The following CYFIP2 variants were observed in gnomAD, a reference collection of about 807,000 sequenced individuals.
The protein encoded by CYFIP2 is cytoplasmic FMR1-interacting protein 2.
In CYFIP2, 29 loss-of-function variants were observed where a neutral mutation model predicts 158.7. The observed-to-expected ratio is 0.18, with a 90% confidence interval of 0.14 to 0.25. The LOEUF is 0.25. Among genes scored for constraint, CYFIP2 ranks in the 10% least tolerant of loss-of-function variants. The pLI, the probability that CYFIP2 is intolerant of heterozygous loss-of-function variation, is 1.00. For missense variants in CYFIP2, 852 were observed against 1,639.5 expected (o/e 0.52, Z 8.29); for synonymous variants, 585 against 617.6 (o/e 0.95, Z 0.78).
intron 1 of CYFIP2, among the ~76,000 whole-genome samples, chr5:157,267,772 T>G (rs966455817): frequency 7.2e-5 from 11 of 152,262 alleles, no homozygotes; most frequent in Non-Finnish European, 1.6e-4. Context: ...AAATATTTGC[T>G]ATCACTAATG....
At chr5:157,273,590 A>G (rs1431062079) in intron 1 of CYFIP2, among the ~76,000 whole-genome samples, 1 of 151,850 alleles carries the variant, frequency 6.6e-6, no homozygotes, top group Admixed American at 6.6e-5. Flanking sequence ...GTGGGGTGGT[A>G]TGGTTGTATC....
At chr5:157,306,689 TG>T (rs1219555466) in intron 8 of CYFIP2, among the ~76,000 whole-genome samples, 1 of 152,110 alleles carries the variant, frequency 6.6e-6, no homozygotes, top group Non-Finnish European at 1.5e-5. Context: ...GAGACCAGCC[TG>T]GGCAACACAG....
At chr5:157,285,605 TC>T (rs1757310744) in intron 2 of CYFIP2, 127 bp downstream of exon 2, 9 of 776,272 alleles carry the variant, frequency 1.2e-5, no homozygotes, top group Non-Finnish European at 1.6e-5. Flanking sequence ...GCTGATGGAG[TC>T]CCTTGTGCGC....
Position 157,296,736 on chromosome 5 carries a change from C to T in CYFIP2, c.349C>T (p.Pro117Ser), listed in dbSNP as rs750559695. ...IYEKTVEVLE[P>S]EVTKLMKFMY... ...TGAGAAGACAGTAGAGGTGCTGGAG[C>T]CGGAGGTCACCAAGCTCATGAAGTT... Residue 117 changes from proline to serine, a missense_variant, in exon 5 of 31, where the codon CCG becomes TCG. Coordinates refer to ENST00000620254, the MANE Select transcript of CYFIP2 (RefSeq NM_001037333.3). The T allele has an allele frequency of 7.4e-6, 12 of 1,613,754 alleles. No homozygotes were observed. The highest frequency in any genetic ancestry group is 1.0e-5 in the Non-Finnish European group (12 of 1,179,738).
intron 8 of CYFIP2, 54 bp downstream of exon 8, chr5:157,304,420 C>A (rs1561708356): frequency 6.5e-7 from 1 of 1,540,506 alleles, no homozygotes; most frequent in Admixed American, 2.1e-5. Flanking sequence ...CTCTCACCTT[C>A]TTCTTATTAA....
chr5:157,272,247 TC>T (rs773179159), intron 1 of CYFIP2, among the ~76,000 whole-genome samples: 1 of 152,038 alleles, frequency 6.6e-6, no homozygotes, highest in Non-Finnish European at 1.5e-5. Context: ...TGACTGCAGG[TC>T]CCCTGTGTGG....
chr5:157,376,054 CCT>C (rs770766177), intron 26 of CYFIP2: 1 of 152,464 alleles, frequency 6.6e-6, no homozygotes, highest in Non-Finnish European at 1.5e-5. Flanking sequence ...TCATTTTATC[CCT>C]GATTTCATCC....
chr5:157,294,901 G>T (rs752067042), intron 4 of CYFIP2, 41 bp downstream of exon 4: 1 of 1,549,822 alleles, frequency 6.5e-7, no homozygotes, highest in Non-Finnish European at 8.9e-7. Context: ...CCCTCCAGAG[G>T]GCATTACTAA....
At position 157,361,610 on chromosome 5, in the gene CYFIP2, G is replaced by C. The variant is rs750741018; in HGVS notation, c.3039+12G>C. 1.9e-6 allele frequency: 3 copies of C among 1,613,780 alleles called. No individual in the cohort carries two copies. Among genetic ancestry groups the C allele is most frequent in the Non-Finnish European group, 2.5e-6 (3 of 1,179,804 alleles). ...TAGAGCAAGCTCTGGTAAGTCCAGA[G>C]CCCAAAGGAAGTGGGGTGTCTCCAG... On this transcript the variant is annotated intron_variant, in intron 26 of 30. Transcript: ENST00000620254. This position sits in a 1 kb window ranked among gnomAD's most constrained non-coding sequence, Gnocchi z 4.4.
At chr5:157,318,711 G>A (rs7445948) in intron 13 of CYFIP2, among the ~76,000 whole-genome samples, 48,782 of 152,092 alleles carry the variant, frequency 0.32, 8,641 homozygotes, top group African/African-American at 0.48. Flanking sequence ...GCAGTTGGGC[G>A]TGCACAGCAT....
At chr5:157,382,803 A>G (rs1766259717) in intron 27 of CYFIP2, 141 bp downstream of exon 27, 1 of 869,322 alleles carries the variant, frequency 1.2e-6, no homozygotes, top group Non-Finnish European at 1.8e-6. Flanking sequence ...CAGAATCACA[A>G]ATTGGAAGAT....
chr5:157,299,760 G>A (rs1274707798), intron 5 of CYFIP2, among the ~76,000 whole-genome samples: 1 of 152,050 alleles, frequency 6.6e-6, no homozygotes, highest in Non-Finnish European at 1.5e-5. Flanking sequence ...AAATTAGCTG[G>A]GCATGGTGGT....
chr5:157,389,401 T>G lies in CYFIP2; in HGVS notation c.3420T>G (p.Pro1140=). ...CCATGCAGTTCGTGTACTGCATCCC[T>G]GTGGGAACCAACGAGTTCACAGCTG... ...WSAMQFVYCI[P]VGTNEFTAEQ... The change falls in exon 29 of 31, where the codon CCT becomes CCG. Residue 1140 remains proline (P), a synonymous_variant. Coordinates refer to ENST00000620254, the MANE Select transcript of CYFIP2 (RefSeq NM_001037333.3). 1 of 1,603,474 alleles carries G rather than the reference T, an allele frequency of 6.2e-7. No homozygotes were observed. Among genetic ancestry groups the G allele is most frequent in the Non-Finnish European group, 8.5e-7 (1 of 1,172,598 alleles).
rs989024899 is a variant in CYFIP2, at chr5:157,266,379, A to C, written c.-24+184A>C. Reference sequence around the variant, plus strand: ...CCCACGCGGCCCCTTTCCCCCTCGGACCCACCGTGCGTCCCGCGGCACGGA... The same window carrying C: ...CCCACGCGGCCCCTTTCCCCCTCGGCCCCACCGTGCGTCCCGCGGCACGGA... On this transcript the variant is annotated intron_variant, in intron 1 of 30. Transcript: ENST00000620254. This position sits in a 1 kb window ranked among gnomAD's most constrained non-coding sequence, Gnocchi z 4.2. The C allele has an allele frequency of 2.0e-5, 3 of 151,380 alleles. No homozygotes were observed. The allele number at this position is 151,380 out of a possible 1,614,324, so 9.4% of individuals were successfully genotyped here. A position where few individuals can be genotyped will look rare whatever the true frequency, so the allele number is the denominator to read the frequency against.
intron 26 of CYFIP2, among the ~76,000 whole-genome samples, chr5:157,379,413 T>G (rs1765812691): frequency 6.6e-6 from 1 of 151,860 alleles, no homozygotes; most frequent in Non-Finnish European, 1.5e-5. Flanking sequence ...AAAACTCACT[T>G]AAAAATTGAT....
At position 157,311,693 on chromosome 5, in the gene CYFIP2, C is replaced by G. The variant is rs1438922382; in HGVS notation, c.1022C>G (p.Pro341Arg). 7 of 1,610,830 alleles carry G rather than the reference C, an allele frequency of 4.3e-6. No individual in the cohort carries two copies. Among genetic ancestry groups the G allele is most frequent in the Non-Finnish European group, 5.9e-6 (7 of 1,178,584 alleles). ...KWTCTQSSIS[P>R]QYNICEQMVQ... is the part of the protein sequence containing the mutation. ...ACGTGCACCCAGAGCAGCATCAGCC[C>G]CCAGTACAATATCTGCGAGCAGATG... Residue 341 changes from proline (P) to arginine (R), a missense_variant, in exon 11 of 31, where the codon CCC (proline) becomes CGC (arginine). This residue lies in a region of CYFIP2 where 133 missense variants were observed against 197.1 expected (regional missense o/e 0.67). Coordinates refer to ENST00000620254, the MANE Select transcript of CYFIP2 (RefSeq NM_001037333.3). The surrounding 1 kb of genome is among the most constrained non-coding windows in gnomAD (Gnocchi z 4.7).
intron 30 of CYFIP2, among the ~76,000 whole-genome samples, chr5:157,392,214 T>TC (rs1182389746): frequency 1.3e-5 from 2 of 152,244 alleles, no homozygotes; most frequent in East Asian, 3.8e-4. Flanking sequence ...TCTCATGGTG[T>TC]CCCTTTGATG....
intron 26 of CYFIP2, among the ~76,000 whole-genome samples, chr5:157,374,211 C>CA (rs1487900783): frequency 1.4e-4 from 22 of 152,190 alleles, no homozygotes; most frequent in Non-Finnish European, 2.9e-4. Context: ...TGCTGCCTCT[C>CA]AATAGTGGTT....
rs70984468 is a variant in CYFIP2 at position 157,379,668 on chromosome 5, C to CAAAAAAA, written c.3040-2903_3040-2897dup. 8.6e-3 allele frequency among the ~76,000 whole-genome samples: 633 copies of CAAAAAAA among 73,582 alleles called. 34 individuals are homozygous for CAAAAAAA. Among genetic ancestry groups the CAAAAAAA allele is most frequent in the African/African-American group, 0.02 (378 of 19,278 alleles). The allele number at this position is 73,582 out of a possible 152,430, so 48.3% of individuals were successfully genotyped here. On this transcript the variant is annotated intron_variant, in intron 26 of 30. Transcript: ENST00000620254. Reference sequence around the variant, plus strand: ...CAGGCAAGGGAGCAAGACCCTGTCTCAAAAAAAAAAAAAAAAAAAAAAAAA... The same window carrying CAAAAAAA: ...CAGGCAAGGGAGCAAGACCCTGTCTCAAAAAAAAAAAAAAAAAAAAAAAAAAAAAAAA...
Sources: gnomAD v4.1 joint callset for allele counts (sites outside exome capture counted in the v4.1 genomes callset) on GRCh38, gnomAD v4.1.1 for gene constraint, gnomAD v4.1.1 regional missense constraint, Gnocchi (gnomAD v3.1) non-coding constraint, MANE v1.5 for transcripts, NCBI Gene and HGNC (gene_info 2026-07-23, HGNC 2026-07-21) for gene names.